Variants in CERKL observed in about 807,000 individuals in gnomAD.
CERKL encodes the protein ceramide kinase-like protein.
CERKL carries 61 observed loss-of-function variants against 63.4 expected under a neutral mutation model. That is an observed-to-expected ratio of 0.96 (90% CI 0.78 to 1.19). CERKL has a LOEUF of 1.19. Among genes scored for constraint, CERKL ranks in the 50% most tolerant of loss-of-function variants. The probability of loss-of-function intolerance (pLI) is 0.00; values close to 1 mark genes in which losing one functional copy is unlikely to be tolerated. For missense variants in CERKL, 675 were observed against 655.5 expected, an observed-to-expected ratio of 1.03 and a Z score of -0.33; for synonymous variants, 250 against 230.5, an observed-to-expected ratio of 1.08 and a Z score of -0.77.
At chr2:181,595,866 TATG>T (rs1345367532) in intron 2 of CERKL, among the ~76,000 whole-genome samples, 9 of 152,192 alleles carry the variant, frequency 5.9e-5, no homozygotes, top group Non-Finnish European at 1.3e-4. Flanking sequence ...ATGCTATTAT[TATG>T]AAGATTTAAT....
At chr2:181,636,910 T>G (rs1425018909) in intron 1 of CERKL, among the ~76,000 whole-genome samples, 3 of 152,218 alleles carry the variant, frequency 2.0e-5, no homozygotes, top group Admixed American at 6.5e-5. Flanking sequence ...GTAGTTATTC[T>G]TTTGTCAATA....
rs1418744258 is a variant in CERKL, at chr2:181,657,012, A to C, written c.-6T>G. On this transcript the variant is annotated 5_prime_UTR_variant, in exon 1 of 13. Coordinates refer to ENST00000410087, the MANE Select transcript of CERKL (RefSeq NM_201548.5). The stretch of plus-strand genomic sequence containing the variant: ...CTGCGCCTCCTCCAGGGCATGGCGG[A>C]GTCGCAGGCTGGGCCCGAGCCAGGG... 6.3e-7 allele frequency: 1 copy of C among 1,576,464 alleles called. No homozygotes were observed. The highest frequency in any genetic ancestry group is 8.6e-7 in the Non-Finnish European group (1 of 1,167,062).
At position 181,573,747 on chromosome 2, in the gene CERKL, A is replaced by G; in HGVS notation, c.613+6T>C. On this transcript the variant is annotated splice_donor_region_variant and intron_variant, in intron 3 of 12. Transcript: ENST00000410087. ...ATGGTGAAATTATATTCTGAAAATT[A>G]CTTACTTGTTACATCAGTTTTTATT... The G allele has an allele frequency of 1.2e-6, 2 of 1,610,842 alleles. No individual in the cohort carries two copies. Among genetic ancestry groups the G allele is most frequent in the South Asian group, 1.1e-5 (1 of 90,908 alleles).
chr2:181,557,012 T>C (rs189637610), intron 5 of CERKL, among the ~76,000 whole-genome samples: 19,252 of 152,278 alleles, frequency 0.13, 1,705 homozygotes, highest in Non-Finnish European at 0.19. Context: ...GAGCATTTTT[T>C]CATGTGTCTT....
chr2:181,557,630 G>T (rs764700827), intron 5 of CERKL, among the ~76,000 whole-genome samples: 68 of 152,170 alleles, frequency 4.5e-4, no homozygotes, highest in Non-Finnish European at 8.1e-4. Flanking sequence ...ATTCCACACG[G>T]TGAGGCAAAA....
chr2:181,543,983 C>CAAAAAAAAAAA (rs11450338), intron 11 of CERKL, among the ~76,000 whole-genome samples: 2 of 118,156 alleles, frequency 1.7e-5, no homozygotes, highest in Non-Finnish European at 1.7e-5. Context: ...GGCTCTAACT[C>CAAAAAAAAAAA]AAAAAAAAAA....
intron 5 of CERKL, among the ~76,000 whole-genome samples, chr2:181,555,913 C>T (rs1688182692): frequency 6.6e-6 from 1 of 151,930 alleles, no homozygotes; most frequent in South Asian, 2.1e-4. Context: ...CCACCATGCC[C>T]AGCTCATTTT....
chr2:181,560,582 A>G (rs1688397186), intron 4 of CERKL, among the ~76,000 whole-genome samples: 1 of 152,170 alleles, frequency 6.6e-6, no homozygotes, highest in African/African-American at 2.4e-5. Flanking sequence ...ATTTAAGTGG[A>G]GAAATAACTG....
intron 1 of CERKL, among the ~76,000 whole-genome samples, chr2:181,628,822 T>C (rs1040846050): frequency 6.6e-6 from 1 of 152,154 alleles, no homozygotes; most frequent in African/African-American, 2.4e-5. Flanking sequence ...GTTTGCCAAA[T>C]TTTTGTTTCC....
At chr2:181,546,078 C>T (rs573697503) in intron 10 of CERKL, among the ~76,000 whole-genome samples, 3 of 152,186 alleles carry the variant, frequency 2.0e-5, no homozygotes, top group South Asian at 4.2e-4. Context: ...GAAAAATCTC[C>T]GGTCAAATGA....
intron 1 of CERKL, 34 bp from the exon 2 acceptor site, chr2:181,604,113 T>A: frequency 6.5e-7 from 1 of 1,545,676 alleles, no homozygotes; most frequent in Non-Finnish European, 8.9e-7. Flanking sequence ...ATTAAAACCA[T>A]TGTGTTTCAT....
chr2:181,598,835 T>C (rs1164036918), intron 2 of CERKL, among the ~76,000 whole-genome samples: 5 of 150,464 alleles, frequency 3.3e-5, no homozygotes, highest in African/African-American at 1.2e-4. Flanking sequence ...AGTTGAATGA[T>C]CACACACAAC....
chr2:181,547,755 T>C (rs558326688), intron 9 of CERKL, 29 bp from the exon 10 acceptor site: 2 of 1,613,614 alleles, frequency 1.2e-6, no homozygotes, highest in South Asian at 2.2e-5. Flanking sequence ...ATTGGTTATT[T>C]TCCCTCACCA....
chr2:181,595,729 T>C (rs1211201665), intron 2 of CERKL, among the ~76,000 whole-genome samples: 1 of 152,202 alleles, frequency 6.6e-6, no homozygotes, highest in African/African-American at 2.4e-5. Context: ...TAAGAGATGA[T>C]AATGATAATA....
chr2:181,611,407 G>A (rs1251004323), intron 1 of CERKL, among the ~76,000 whole-genome samples: 1 of 151,830 alleles, frequency 6.6e-6, no homozygotes, highest in Non-Finnish European at 1.5e-5. Flanking sequence ...GCCTGTGATT[G>A]CAGTGTTTTG....
At chr2:181,565,628 T>G (rs1688634094) in intron 4 of CERKL, 1 of 859,364 alleles carries the variant, frequency 1.2e-6, no homozygotes, top group Non-Finnish European at 1.9e-6. Flanking sequence ...CTTCCCTCAA[T>G]CTATCACAGA....
chr2:181,612,162 T>C (rs1685996052), intron 1 of CERKL, among the ~76,000 whole-genome samples: 1 of 152,200 alleles, frequency 6.6e-6, no homozygotes, highest in Non-Finnish European at 1.5e-5. Flanking sequence ...AGATCTAAGA[T>C]TTGAATCCAA....
chr2:181,548,763 A>AG lies in CERKL; in HGVS notation c.989dup (p.Leu331PhefsTer13). On this transcript the variant is annotated frameshift_variant, in exon 7 of 13. Transcript: ENST00000410087. LOFTEE classifies it high-confidence loss of function. ...ATCGATATTTTTCTGCCAGAGCCAAAGTTCTTCCACCAAAGCCAAACATGG... is the reference window on the plus strand; with the variant it reads ...ATCGATATTTTTCTGCCAGAGCCAAAGGTTCTTCCACCAAAGCCAAACATGG... 1 of 1,614,086 alleles carries AG rather than the reference A, an allele frequency of 6.2e-7. No individual in the cohort carries two copies. Among genetic ancestry groups the AG allele is most frequent in the Non-Finnish European group, 8.5e-7 (1 of 1,179,964 alleles).
chr2:181,571,201 A>G (rs1485649190), intron 3 of CERKL, among the ~76,000 whole-genome samples: 1 of 152,206 alleles, frequency 6.6e-6, no homozygotes. Context: ...GCCAATATGC[A>G]TACTAAAATG....
Sources: gnomAD v4.1 joint callset for allele counts (sites outside exome capture counted in the v4.1 genomes callset) on GRCh38, gnomAD v4.1.1 for gene constraint, MANE v1.5 for transcripts, NCBI Gene and HGNC (gene_info 2026-07-23, HGNC 2026-07-21) for gene names.